The following LIMS1 variants were observed in gnomAD, a reference collection of about 807,000 sequenced individuals.
LIMS1 encodes the protein LIM zinc finger domain containing 1, also known as LIM and senescent cell antigen-like-containing domain protein 1.
LIMS1 carries 18 observed loss-of-function variants against 44.1 expected under a neutral mutation model. The ratio of observed to expected loss-of-function variants is 0.41; its 90% confidence interval spans 0.28 to 0.61. LIMS1 has a LOEUF of 0.61. Among genes scored for constraint, LIMS1 ranks in the 20% least tolerant of loss-of-function variants. The probability of loss-of-function intolerance (pLI) is 0.32; values close to 1 mark genes in which losing one functional copy is unlikely to be tolerated. For missense variants in LIMS1, 201 were observed against 422.0 expected (o/e 0.48, Z 4.59); for synonymous variants, 93 against 149.1 (o/e 0.62, Z 2.74).
intron 1 of LIMS1, among the ~76,000 whole-genome samples, chr2:108,558,302 C>T (rs1213949420): frequency 6.6e-6 from 1 of 151,794 alleles, no homozygotes; most frequent in African/African-American, 2.4e-5. Flanking sequence ...ACTGCAAGCT[C>T]CACCTCGTGG....
chr2:108,554,405 C>T (rs1684854423), intron 1 of LIMS1, among the ~76,000 whole-genome samples: 1 of 152,164 alleles, frequency 6.6e-6, no homozygotes, highest in East Asian at 1.9e-4. Flanking sequence ...TCCCCCTGTA[C>T]TTGGCATGGT....
intron 1 of LIMS1, among the ~76,000 whole-genome samples, chr2:108,561,486 A>G (rs923640755): frequency 4.6e-5 from 7 of 152,080 alleles, no homozygotes; most frequent in Non-Finnish European, 1.0e-4. Flanking sequence ...TGTGTGTGTT[A>G]GGGGTGGGGG....
intron 2 of LIMS1, among the ~76,000 whole-genome samples, chr2:108,661,966 G>C (rs1213440357): frequency 1.3e-5 from 2 of 152,144 alleles, no homozygotes; most frequent in African/African-American, 4.8e-5. Flanking sequence ...TGAGAGCCTA[G>C]CTGGTCTCCT....
At chr2:108,646,934 G>A (rs996916464) in intron 1 of LIMS1, among the ~76,000 whole-genome samples, 5 of 152,118 alleles carry the variant, frequency 3.3e-5, no homozygotes, top group African/African-American at 1.2e-4. Flanking sequence ...CGTTAGCCAG[G>A]ATGGTCTCGA....
At chr2:108,638,766 G>A (rs942453339) in intron 1 of LIMS1, among the ~76,000 whole-genome samples, 1 of 152,002 alleles carries the variant, frequency 6.6e-6, no homozygotes, top group African/African-American at 2.4e-5. Flanking sequence ...AGCACAGGCT[G>A]GGCACGGTGG....
intron 1 of LIMS1, among the ~76,000 whole-genome samples, chr2:108,590,019 C>A (rs919401261): frequency 1.3e-4 from 20 of 152,192 alleles, no homozygotes; most frequent in Non-Finnish European, 1.9e-4. Flanking sequence ...CTTAAAGGAA[C>A]TGTAATGCCT....
chr2:108,646,272 A>G (rs955702730), intron 1 of LIMS1, among the ~76,000 whole-genome samples: 2 of 152,200 alleles, frequency 1.3e-5, no homozygotes, highest in East Asian at 1.9e-4. Context: ...AATGGAAATC[A>G]TAATGGTCTC....
chr2:108,645,673 G>C (rs1430716833), intron 1 of LIMS1, among the ~76,000 whole-genome samples: 1 of 152,098 alleles, frequency 6.6e-6, no homozygotes, highest in Non-Finnish European at 1.5e-5. Flanking sequence ...CGGGCTAAAT[G>C]CCCCAATTAA....
At chr2:108,643,622 GT>G (rs1689860034) in intron 1 of LIMS1, among the ~76,000 whole-genome samples, 1 of 151,906 alleles carries the variant, frequency 6.6e-6, no homozygotes, top group African/African-American at 2.4e-5. Flanking sequence ...TAGCGTTTGA[GT>G]TTTTTTCGTG....
chr2:108,546,202 A>G lies in LIMS1; in HGVS notation c.32+11608A>G, dbSNP rs538875233. 2.0e-5 allele frequency among the ~76,000 whole-genome samples: 3 copies of G among 150,348 alleles called. No individual in the cohort carries two copies. In the South Asian group the frequency reaches 6.3e-4, roughly 32 times the overall value. On this transcript the variant is annotated intron_variant, in intron 1 of 9. Coordinates refer to ENST00000544547, the Ensembl canonical transcript of LIMS1. The stretch of plus-strand genomic sequence containing the variant: ...ATGCTTTAGGTTTACAGAGTACTAA[A>G]TTAGGGTTGAGGTGTCACTTTCTGA...
At chr2:108,596,385 T>C (rs1686683730) in intron 1 of LIMS1, among the ~76,000 whole-genome samples, 1 of 152,022 alleles carries the variant, frequency 6.6e-6, no homozygotes, top group Admixed American at 6.6e-5. Flanking sequence ...TGGTGTTATA[T>C]ATGATAACAT....
intron 1 of LIMS1, among the ~76,000 whole-genome samples, chr2:108,625,212 A>G (rs1041569895): frequency 1.2e-4 from 19 of 152,256 alleles, no homozygotes; most frequent in Admixed American, 2.0e-4. Context: ...AAAAAATAAT[A>G]AAAATATTTT....
chr2:108,608,753 TG>T (rs977571113), intron 1 of LIMS1, among the ~76,000 whole-genome samples: 1 of 152,170 alleles, frequency 6.6e-6, no homozygotes, highest in Non-Finnish European at 1.5e-5. Flanking sequence ...TGATCATAGA[TG>T]GGGCCCCTGA....
At chr2:108,683,952 C>T in exon 10 of LIMS1, 1 of 1,602,686 alleles carries the variant, frequency 6.2e-7, no homozygotes, top group Non-Finnish European at 8.5e-7. Flanking sequence ...TCCATTGGAG[C>T]TGAAGAAAAG....
At chr2:108,686,946 T>G (rs1693344367) in exon 10 of LIMS1, 1 of 152,210 alleles carries the variant, frequency 6.6e-6, no homozygotes. Flanking sequence ...AAATTCTAAG[T>G]ACTGTTTTTC....
Position 108,675,763 on chromosome 2 carries a change from A to G in LIMS1, c.531-115A>G, listed in dbSNP as rs143898678. ...ATCACCTCTAAAGGGGAAAAAAGAAATTTGCAGGGATTGTCATAGTAATGT... is the reference window on the plus strand; with the variant it reads ...ATCACCTCTAAAGGGGAAAAAAGAAGTTTGCAGGGATTGTCATAGTAATGT... On this transcript the variant is annotated intron_variant, in intron 5 of 9. Transcript: ENST00000544547. 4.3e-3 allele frequency: 5,800 copies of G among 1,340,034 alleles called. 184 individuals are homozygous for G. The African/African-American group carries it at 0.073, about 17-fold the overall frequency. 83.0% of individuals were successfully genotyped at this position (1,340,034 alleles called of 1,614,324 possible).
At chr2:108,679,756 A>AAATAAC (rs1404177380) in intron 8 of LIMS1, among the ~76,000 whole-genome samples, 1 of 151,698 alleles carries the variant, frequency 6.6e-6, no homozygotes, top group African/African-American at 2.4e-5. Flanking sequence ...CATCTCTACA[A>AAATAAC]AATAAAAAAT....
chr2:108,582,976 A>G (rs966088639), intron 1 of LIMS1, among the ~76,000 whole-genome samples: 3 of 152,060 alleles, frequency 2.0e-5, no homozygotes, highest in Non-Finnish European at 4.4e-5. Context: ...TCTATTTAGA[A>G]ACTCAAATCC....
At chr2:108,669,205 C>G (rs1421346745) in intron 2 of LIMS1, among the ~76,000 whole-genome samples, 1 of 151,946 alleles carries the variant, frequency 6.6e-6, no homozygotes, top group Non-Finnish European at 1.5e-5. Flanking sequence ...GTCAGGAGTT[C>G]GAGACCAGCC....
Sources: allele counts gnomAD v4.1 joint callset (sites outside exome capture counted in the v4.1 genomes callset), GRCh38; gene constraint gnomAD v4.1.1; transcripts MANE v1.5; gene names NCBI Gene and HGNC (gene_info 2026-07-23, HGNC 2026-07-21).